Variants in DIPK1A observed in about 807,000 individuals in gnomAD.
The protein encoded by DIPK1A is family with sequence similarity 69 member A.
In DIPK1A, 27 loss-of-function variants were observed where a neutral mutation model predicts 40.8. The ratio of observed to expected loss-of-function variants is 0.66; its 90% CI spans 0.49 to 0.91. The LOEUF (loss-of-function observed/expected upper bound fraction) is 0.91, where lower values mean the gene tolerates loss of function less well. Among genes scored for constraint, DIPK1A ranks in the 40% least tolerant of loss-of-function variants. The probability of loss-of-function intolerance (pLI) is 0.00; values close to 1 mark genes in which losing one functional copy is unlikely to be tolerated. For missense variants in DIPK1A, 412 were observed against 505.7 expected (o/e 0.81, Z 1.78); for synonymous variants, 166 against 171.3 (o/e 0.97, Z 0.24).
intron 1 of DIPK1A, among the ~76,000 whole-genome samples, chr1:92,938,429 C>T (rs1651028246): frequency 7.0e-6 from 1 of 143,840 alleles, no homozygotes; most frequent in Non-Finnish European, 1.5e-5. Flanking sequence ...GTGATCACAC[C>T]ACTGCACTCC....
chr1:92,846,944 A>G (rs140638087), intron 4 of DIPK1A, among the ~76,000 whole-genome samples: 20 of 103,062 alleles, frequency 1.9e-4, no homozygotes, highest in African/African-American at 7.0e-4. Flanking sequence ...AGGTCTTACT[A>G]TGTTGCCCAG....
chr1:92,931,684 G>C (rs560233806), intron 1 of DIPK1A: 3 of 161,508 alleles, frequency 1.9e-5, no homozygotes, highest in Admixed American at 6.5e-5. Flanking sequence ...TTGACTGTGA[G>C]AGAACTGGAA....
chr1:92,959,903 C>CTTTTTTTTTTTTTTTTTTTTTT lies in DIPK1A; in HGVS notation c.54+1451_54+1472dup. On this transcript the variant is annotated intron_variant, in intron 1 of 4. Coordinates refer to ENST00000370310, the MANE Select transcript of DIPK1A (RefSeq NM_001006605.5). ...GCTGGGACCACAGGCACCCAACCAACTTTTTTTTTTTTTTTTTTTTTTTTG... is the reference window on the plus strand; with the variant it reads ...GCTGGGACCACAGGCACCCAACCAACTTTTTTTTTTTTTTTTTTTTTTTTTTTTTTTTTTTTTTTTTTTTTTG... Among the ~76,000 whole-genome samples the CTTTTTTTTTTTTTTTTTTTTTT allele has an allele frequency of 1.1e-3, 51 of 47,872 alleles. 4 individuals are homozygous for CTTTTTTTTTTTTTTTTTTTTTT. The highest frequency in any genetic ancestry group is 2.6e-3 in the East Asian group (3 of 1,154). 31.4% of individuals were successfully genotyped at this position (47,872 alleles called of 152,430 possible).
chr1:92,861,707 C>A (rs1029152829), intron 2 of DIPK1A, among the ~76,000 whole-genome samples: 6 of 152,058 alleles, frequency 3.9e-5, no homozygotes, highest in African/African-American at 1.4e-4. Context: ...CAGCATTTGT[C>A]CTGGTTGACC....
At chr1:92,886,186 C>G (rs938285736) in intron 1 of DIPK1A, among the ~76,000 whole-genome samples, 4 of 151,788 alleles carry the variant, frequency 2.6e-5, no homozygotes, top group Admixed American at 6.6e-5. Context: ...TAAAAAATTA[C>G]CCAGGCACGG....
At position 92,836,964 on chromosome 1, in the gene DIPK1A, A is replaced by C; in HGVS notation, c.475-3930T>G. 3 of 238,576 alleles carry C rather than the reference A, an allele frequency of 1.3e-5. No individual in the cohort carries two copies. In the South Asian group the frequency reaches 1.6e-4, roughly 13 times the overall value. The allele number at this position is 238,576 out of a possible 1,614,324, so 14.8% of individuals were successfully genotyped here. ...GAATATTTTAGCATTTGGTGATTTA[A>C]CCAAGAAATAGTAATTTTTGGTAAG... On this transcript the variant is annotated intron_variant, in intron 4 of 4. Coordinates refer to the DIPK1A transcript ENST00000615519.
At chr1:92,894,779 A>G (rs1649083177) in intron 1 of DIPK1A, among the ~76,000 whole-genome samples, 1 of 152,124 alleles carries the variant, frequency 6.6e-6, no homozygotes, top group African/African-American at 2.4e-5. Flanking sequence ...AGAAGAAAAG[A>G]GAGAAGAATC....
At chr1:92,915,918 ATAT>A (rs1650035776) in intron 1 of DIPK1A, among the ~76,000 whole-genome samples, 5 of 152,258 alleles carry the variant, frequency 3.3e-5, no homozygotes, top group Admixed American at 3.3e-4. Flanking sequence ...ATACAATGGA[ATAT>A]TATTTAACTA....
downstream of DIPK1A, chr1:92,837,758 A>G (rs958040072): frequency 1.8e-5 from 14 of 773,648 alleles, no homozygotes; most frequent in East Asian, 1.3e-4. Flanking sequence ...AGACTTGTCA[A>G]CATTCTTTTA....
chr1:92,945,894 T>C (rs1651342869), intron 1 of DIPK1A, among the ~76,000 whole-genome samples: 1 of 152,222 alleles, frequency 6.6e-6, no homozygotes, highest in Non-Finnish European at 1.5e-5. Context: ...CTGTGGCCGA[T>C]GGACAGTGAT....
At chr1:92,850,158 C>G (rs771405248) in intron 3 of DIPK1A, among the ~76,000 whole-genome samples, 1 of 151,582 alleles carries the variant, frequency 6.6e-6, no homozygotes, top group Non-Finnish European at 1.5e-5. Flanking sequence ...TTTGGAGAGA[C>G]AGGGTCTCAC....
intron 1 of DIPK1A, among the ~76,000 whole-genome samples, chr1:92,909,579 C>A (rs1321476249): frequency 6.6e-6 from 1 of 152,134 alleles, no homozygotes; most frequent in East Asian, 1.9e-4. Context: ...GTGGCTTTCA[C>A]AGGACAACTC....
At chr1:92,869,118 T>C (rs1207532659) in intron 2 of DIPK1A, among the ~76,000 whole-genome samples, 1 of 150,950 alleles carries the variant, frequency 6.6e-6, no homozygotes, top group East Asian at 1.9e-4. Context: ...ATGATTGCTA[T>C]ATGACAGTAG....
chr1:92,930,176 A>C (rs1281602006), intron 1 of DIPK1A, among the ~76,000 whole-genome samples: 1 of 135,008 alleles, frequency 7.4e-6, no homozygotes, highest in Non-Finnish European at 1.7e-5. Context: ...GATGCTGTTG[A>C]ATACTCTTCC....
At chr1:92,866,025 C>T (rs998878721) in intron 2 of DIPK1A, among the ~76,000 whole-genome samples, 4 of 152,138 alleles carry the variant, frequency 2.6e-5, no homozygotes, top group African/African-American at 7.2e-5. Flanking sequence ...TCAGTGGCTA[C>T]TAATACATAG....
chr1:92,913,545 T>C (rs900541186), intron 1 of DIPK1A, among the ~76,000 whole-genome samples: 2 of 152,238 alleles, frequency 1.3e-5, no homozygotes, highest in Non-Finnish European at 2.9e-5. Flanking sequence ...AGTAGAGTTC[T>C]TTGCATGTTC....
intron 1 of DIPK1A, chr1:92,932,839 A>T (rs1288736690): frequency 1.3e-5 from 2 of 152,218 alleles, no homozygotes; most frequent in African/African-American, 4.8e-5. Context: ...AACTACTCTG[A>T]TTGATAACAT....
At chr1:92,955,708 AAAAAG>A (rs1312956205) in intron 1 of DIPK1A, among the ~76,000 whole-genome samples, 1 of 150,612 alleles carries the variant, frequency 6.6e-6, no homozygotes, top group African/African-American at 2.4e-5. Flanking sequence ...AAAAAAAAAA[AAAAAG>A]AAAAGAAAAG....
intron 2 of DIPK1A, among the ~76,000 whole-genome samples, chr1:92,860,114 T>C (rs1185672325): frequency 6.6e-6 from 1 of 152,180 alleles, no homozygotes; most frequent in Non-Finnish European, 1.5e-5. Context: ...AAATATGAGA[T>C]ATTCCATACC....
Sources: gnomAD v4.1 joint callset for allele counts (sites outside exome capture counted in the v4.1 genomes callset) on GRCh38, gnomAD v4.1.1 for gene constraint, MANE v1.5 for transcripts, NCBI Gene and HGNC (gene_info 2026-07-23, HGNC 2026-07-21) for gene names.